The following PCDH15 variants were observed in gnomAD, a reference collection of about 807,000 sequenced individuals.
PCDH15 encodes protocadherin-15.
PCDH15 carries 129 observed loss-of-function variants against 178.5 expected under a neutral mutation model. The observed-to-expected ratio is 0.72, with a 90% CI of 0.63 to 0.84. The LOEUF is 0.84. PCDH15 is among the 40% of genes least tolerant of loss of function. The pLI is 0.00. For synonymous variants in PCDH15, 800 were observed against 732.0 expected, an observed-to-expected ratio of 1.09 and a Z score of -1.50; for missense variants, 2,230 against 2,099.9, an observed-to-expected ratio of 1.06 and a Z score of -1.21.
intron 1 of PCDH15, among the ~76,000 whole-genome samples, chr10:55,241,865 A>G (rs879882336): frequency 3.9e-5 from 6 of 152,216 alleles, no homozygotes; most frequent in Non-Finnish European, 7.3e-5. Flanking sequence ...AGAAAATAGT[A>G]TTCATTAGAA....
chr10:54,899,744 C>T (rs1170990585), intron 2 of PCDH15, among the ~76,000 whole-genome samples: 1 of 152,066 alleles, frequency 6.6e-6, no homozygotes. Flanking sequence ...ATCCGTCCAC[C>T]TCGGCCTCCC....
chr10:54,796,266 C>CTATCTATCTATG (rs1951976176), intron 1 of PCDH15, among the ~76,000 whole-genome samples: 30 of 87,244 alleles, frequency 3.4e-4, no homozygotes, highest in Middle Eastern at 0.012. Flanking sequence ...ATCTATCTAT[C>CTATCTATCTATG]TATCTATGTA....
At chr10:55,201,700 A>T (rs16907109) in intron 1 of PCDH15, among the ~76,000 whole-genome samples, 4 of 152,200 alleles carry the variant, frequency 2.6e-5, no homozygotes, top group Non-Finnish European at 1.5e-5. Flanking sequence ...AAACGTGGGA[A>T]AATAGATTAT....
At chr10:55,539,827 A>C in intron 2 of PCDH15, among the ~76,000 whole-genome samples, 1 of 152,128 alleles carries the variant, frequency 6.6e-6, no homozygotes, top group East Asian at 1.9e-4. Context: ...GTTGCATAAT[A>C]AGAGAAAAAA....
chr10:54,541,642 T>C (rs2085242790), intron 2 of PCDH15, among the ~76,000 whole-genome samples: 1 of 151,928 alleles, frequency 6.6e-6, no homozygotes, highest in African/African-American at 2.4e-5. Context: ...TGTTTTGTAA[T>C]TGAAATATAA....
At chr10:54,062,910 A>C (rs2135768607) in intron 18 of PCDH15, among the ~76,000 whole-genome samples, 1 of 152,326 alleles carries the variant, frequency 6.6e-6, no homozygotes, top group Non-Finnish European at 1.5e-5. Context: ...GAAAATGGGA[A>C]AGATCATTTT....
rs757918163 is a variant in PCDH15, at chr10:54,195,897, TGAAAA to T, written c.1099-13_1099-9del. 7.5e-6 allele frequency: 12 copies of T among 1,610,624 alleles called. No homozygotes were observed. In the East Asian group the frequency reaches 1.1e-4, roughly 15 times the overall value. On this transcript the variant is annotated splice_polypyrimidine_tract_variant and intron_variant, in intron 10 of 37. Coordinates refer to ENST00000644397, the MANE Select transcript of PCDH15 (RefSeq NM_001384140.1). ...ACCATTGTCTTGTTCAGCCTAAAAT[TGAAAA>T]GAAAAGAAAATATTTAGAAAGTATA...
At chr10:55,006,743 C>A (rs1407234330) in intron 2 of PCDH15, among the ~76,000 whole-genome samples, 1 of 152,162 alleles carries the variant, frequency 6.6e-6, no homozygotes, top group East Asian at 1.9e-4. Flanking sequence ...GGATGGAGGA[C>A]ATGGAGATAA....
At chr10:55,360,384 A>T (rs1017348186) in intron 2 of PCDH15, among the ~76,000 whole-genome samples, 19 of 152,014 alleles carry the variant, frequency 1.2e-4, no homozygotes, top group African/African-American at 4.1e-4. Flanking sequence ...CAACATGCCA[A>T]CAAGGAGAAA....
At chr10:53,910,849 G>A (rs561348467) in intron 25 of PCDH15, among the ~76,000 whole-genome samples, 11 of 152,180 alleles carry the variant, frequency 7.2e-5, no homozygotes, top group East Asian at 1.9e-4. Context: ...AACCATGCAC[G>A]AAACTACATG....
intron 26 of PCDH15, among the ~76,000 whole-genome samples, chr10:53,882,869 T>C (rs10825145): frequency 0.64 from 97,412 of 151,598 alleles, 31,822 homozygotes; most frequent in Middle Eastern, 0.78. Flanking sequence ...AAATGGCCAA[T>C]AGTCTTTTAT....
intron 1 of PCDH15, among the ~76,000 whole-genome samples, chr10:55,171,704 A>G (rs1399425697): frequency 1.3e-5 from 2 of 152,070 alleles, no homozygotes; most frequent in African/African-American, 4.8e-5. Flanking sequence ...TGTCTTTCAG[A>G]TCTGTGATTC....
rs112288802 is a variant in PCDH15, at chr10:54,821,190, G to A, written c.-29+76260C>T. Among the ~76,000 whole-genome samples, 562 of 152,072 alleles carry A rather than the reference G, an allele frequency of 3.7e-3. 1 individual carries two copies. Among genetic ancestry groups the A allele is most frequent in the African/African-American group, 0.013 (540 of 41,526 alleles). On this transcript the variant is annotated intron_variant, in intron 3 of 5. Coordinates refer to the PCDH15 transcript ENST00000458638. ...TCATGCTAATGCAACCGTGCATAATGAAATCCATATCAGCATTTTCAAGTT... is the reference window on the plus strand; with the variant it reads ...TCATGCTAATGCAACCGTGCATAATAAAATCCATATCAGCATTTTCAAGTT...
chr10:55,387,459 C>T (rs1588976964), intron 2 of PCDH15, among the ~76,000 whole-genome samples: 2 of 152,046 alleles, frequency 1.3e-5, no homozygotes, highest in South Asian at 2.1e-4. Context: ...CTAACATAAG[C>T]GAACACATTA....
rs878902739 is a variant in PCDH15, at chr10:53,827,304, A to G, written c.4367+89T>C. On this transcript the variant is annotated intron_variant, in intron 32 of 37. Coordinates refer to ENST00000644397, the MANE Select transcript of PCDH15 (RefSeq NM_001384140.1). Reference sequence around the variant, plus strand: ...AATAAAATAAATAGTCCATGTAGGCATTTCCACATCAGATTGAAATTAAAT... The same window carrying G: ...AATAAAATAAATAGTCCATGTAGGCGTTTCCACATCAGATTGAAATTAAAT... 106 of 1,466,096 alleles carry G rather than the reference A, an allele frequency of 7.2e-5. No individual in the cohort carries two copies. In the South Asian group the frequency reaches 1.4e-3, roughly 20 times the overall value. The allele number at this position is 1,466,096 out of a possible 1,614,324, so 90.8% of individuals were successfully genotyped here. A position where few individuals can be genotyped will look rare whatever the true frequency, so the allele number is the denominator to read the frequency against.
intron 2 of PCDH15, among the ~76,000 whole-genome samples, chr10:55,542,451 T>A (rs189722229): frequency 6.6e-6 from 1 of 150,986 alleles, no homozygotes; most frequent in African/African-American, 2.4e-5. Context: ...GTAATATATG[T>A]ATTTAATACG....
chr10:55,177,009 G>A (rs1439749629), intron 1 of PCDH15, among the ~76,000 whole-genome samples: 2 of 152,146 alleles, frequency 1.3e-5, no homozygotes, highest in African/African-American at 2.4e-5. Context: ...AATCTCTCAG[G>A]AGGGGTATAA....
chr10:54,862,819 G>A (rs1489024548), intron 3 of PCDH15, among the ~76,000 whole-genome samples: 1 of 152,144 alleles, frequency 6.6e-6, no homozygotes, highest in African/African-American at 2.4e-5. Flanking sequence ...TCGCCAGATG[G>A]AGTTGCCCAG....
intron 29 of PCDH15, among the ~76,000 whole-genome samples, chr10:53,839,517 T>C (rs527830748): frequency 5.3e-5 from 8 of 152,226 alleles, no homozygotes; most frequent in Admixed American, 2.0e-4. Flanking sequence ...GTTTCACATA[T>C]AGAGTTCGGC....
Sources: gnomAD v4.1 joint callset for allele counts (sites outside exome capture counted in the v4.1 genomes callset) on GRCh38, gnomAD v4.1.1 for gene constraint, MANE v1.5 for transcripts, NCBI Gene and HGNC (gene_info 2026-07-23, HGNC 2026-07-21) for gene names.